Variants in USH2A observed in about 807,000 individuals in gnomAD.
USH2A encodes the protein Usher syndrome 2A (autosomal recessive, mild).
In USH2A, 443 loss-of-function variants were observed where a neutral mutation model predicts 538.9. The observed-to-expected ratio is 0.82, with a 90% CI of 0.76 to 0.89. USH2A has a LOEUF of 0.89. Ranked by LOEUF, USH2A falls within the 40% of genes least tolerant of loss-of-function variation. USH2A has a pLI of 0.00. For missense variants in USH2A, 6,633 were observed against 6,324.8 expected (o/e 1.05, Z -1.65); for synonymous variants, 2,413 against 2,273.5 (o/e 1.06, Z -1.75).
chr1:216,157,751 G>A (rs2033977938), intron 21 of USH2A, among the ~76,000 whole-genome samples: 2 of 152,144 alleles, frequency 1.3e-5, no homozygotes, highest in South Asian at 4.1e-4. Context: ...TTATATGTGA[G>A]AGCTAAACAT....
chr1:216,355,892 A>G (rs1042296947), intron 4 of USH2A, among the ~76,000 whole-genome samples: 2 of 152,162 alleles, frequency 1.3e-5, no homozygotes. Context: ...AATAAACTTA[A>G]TAACTAAATT....
intron 47 of USH2A, among the ~76,000 whole-genome samples, chr1:215,823,608 C>T (rs1317158677): frequency 1.3e-5 from 2 of 151,964 alleles, no homozygotes; most frequent in African/African-American, 4.8e-5. Flanking sequence ...TTCTGTTAAT[C>T]TTTCTTTTAA....
intron 14 of USH2A, among the ~76,000 whole-genome samples, chr1:216,221,279 G>T (rs570080094): frequency 6.6e-5 from 10 of 152,240 alleles, no homozygotes; most frequent in Non-Finnish European, 8.8e-5. Flanking sequence ...TTAAGAGCTG[G>T]TATCTGTTCA....
At position 215,892,350 on chromosome 1, in the gene USH2A, C is replaced by T. The variant is rs1665231178; in HGVS notation, c.7595-3296G>A. On this transcript the variant is annotated intron_variant, in intron 40 of 71. Coordinates refer to ENST00000307340, the MANE Select transcript of USH2A (RefSeq NM_206933.4). ...TTTTACCATTCTAATTAAAGCCTCG[C>T]TCAGTTTAAAAACTCTTTTTGGTAA... Among the ~76,000 whole-genome samples the T allele has an allele frequency of 2.0e-5, 3 of 152,128 alleles. No individual in the cohort carries two copies. The South Asian group carries it at 6.2e-4, about 31-fold the overall frequency.
At chr1:215,637,830 CA>C (rs933178921) in intron 69 of USH2A, among the ~76,000 whole-genome samples, 8 of 147,516 alleles carry the variant, frequency 5.4e-5, no homozygotes, top group East Asian at 3.9e-4. Context: ...GTTTATTTTT[CA>C]AAAAAAAACT....
intron 4 of USH2A, among the ~76,000 whole-genome samples, chr1:216,349,290 C>G (rs528481875): frequency 6.6e-6 from 1 of 152,142 alleles, no homozygotes; most frequent in East Asian, 1.9e-4. Context: ...CTTCATCCCT[C>G]TACAACTCTT....
Position 216,073,255 on chromosome 1 carries a change from A to G in USH2A, c.5618T>C (p.Val1873Ala), listed in dbSNP as rs1225512951. The G allele has an allele frequency of 1.2e-6, 2 of 1,613,742 alleles. No individual in the cohort carries two copies. The highest frequency in any genetic ancestry group is 1.7e-6 in the Non-Finnish European group (2 of 1,179,904). ...GCTGGACACAGATGCCAAGTTAACG[A>G]CAGCACCCCGTGTAAATTTAACATC... Reference protein sequence around the residue: ...MKDVKFTRGAVVNLASVSSGA... With the variant: ...MKDVKFTRGAAVNLASVSSGA... The change falls in exon 28 of 72, where the codon GTC becomes GCC. Residue 1873 changes from valine (V) to alanine (A), a missense_variant. Coordinates refer to ENST00000307340, the MANE Select transcript of USH2A (RefSeq NM_206933.4).
intron 61 of USH2A, among the ~76,000 whole-genome samples, chr1:215,719,858 A>G (rs1659601752): frequency 6.6e-6 from 1 of 152,162 alleles, no homozygotes; most frequent in Non-Finnish European, 1.5e-5. Context: ...CTTCAAGTGG[A>G]AGGATTTAAG....
intron 40 of USH2A, among the ~76,000 whole-genome samples, chr1:215,892,272 T>C (rs1377905132): frequency 1.3e-5 from 2 of 152,188 alleles, no homozygotes; most frequent in Non-Finnish European, 2.9e-5. Flanking sequence ...GAGTTACCCA[T>C]GACTGATCAG....
chr1:216,263,845 T>C (rs1351873257), intron 11 of USH2A, among the ~76,000 whole-genome samples: 2 of 152,096 alleles, frequency 1.3e-5, no homozygotes, highest in Non-Finnish European at 2.9e-5. Context: ...GGTTTACAGA[T>C]GACAGGATCT....
intron 14 of USH2A, 128 bp from the exon 15 acceptor site, chr1:216,217,678 G>C: frequency 1.9e-6 from 2 of 1,071,144 alleles, no homozygotes; most frequent in South Asian, 2.9e-5. Flanking sequence ...TGAAAAGAAT[G>C]CTTGAGCTAA....
chr1:215,936,961 A>C (rs1319911384), intron 37 of USH2A, among the ~76,000 whole-genome samples: 1 of 152,150 alleles, frequency 6.6e-6, no homozygotes, highest in African/African-American at 2.4e-5. Flanking sequence ...ACATACAAAA[A>C]GTTATTTAAA....
rs1340312779 is a variant in USH2A, at chr1:215,675,139, T to G, written c.12772A>C (p.Thr4258Pro). The G allele has an allele frequency of 6.2e-7, 1 of 1,614,086 alleles. No individual in the cohort carries two copies. The highest frequency in any genetic ancestry group is 2.2e-5 in the East Asian group (1 of 44,858). Residue 4258 changes from threonine to proline, a missense_variant, in exon 63 of 72, where the codon ACA becomes CCA. By Grantham distance (38) the Thr-to-Pro change is conservative (BLOSUM62 -1). Transcript: ENST00000307340. ...AGACCTTCTGGAGGTGCTTGCAATG[T>G]CCTCACCACATTCCAAGAGCTACAG... Reference protein sequence around the residue: ...HTCSSWNVVRTLQAPPEGLSP... With the variant: ...HTCSSWNVVRPLQAPPEGLSP...
chr1:216,265,438 G>GT (rs1490610184), intron 11 of USH2A, among the ~76,000 whole-genome samples: 1 of 151,764 alleles, frequency 6.6e-6, no homozygotes, highest in Non-Finnish European at 1.5e-5. Flanking sequence ...AAGTATGAAG[G>GT]TCACTTAAAA....
At position 216,289,310 on chromosome 1, in the gene USH2A, G is replaced by A; in HGVS notation, c.1941C>T (p.Gly647=). 6.2e-7 allele frequency: 1 copy of A among 1,613,868 alleles called. No individual in the cohort carries two copies. The highest frequency in any genetic ancestry group is 1.1e-5 in the South Asian group (1 of 91,082). The change falls in exon 11 of 72, where the codon GGC becomes GGT. Residue 647 remains glycine (G), a synonymous_variant. Transcript: ENST00000307340. Reference sequence around the variant, plus strand: ...CACAAAGAATGCTACCATTTCTAGTGCCAACTGTATCACAGTCACAGGGTT... The same window carrying A: ...CACAAAGAATGCTACCATTTCTAGTACCAACTGTATCACAGTCACAGGGTT... ...VCKPCDCDTV[G]TRNGSILCDQ...
chr1:216,112,449 G>T (rs1360153884), intron 21 of USH2A, among the ~76,000 whole-genome samples: 1 of 152,072 alleles, frequency 6.6e-6, no homozygotes, highest in Non-Finnish European at 1.5e-5. Context: ...ATAAAACAAA[G>T]AAATGTGTTT....
intron 21 of USH2A, among the ~76,000 whole-genome samples, chr1:216,098,101 C>A (rs1427233663): frequency 6.6e-6 from 1 of 151,236 alleles, no homozygotes; most frequent in African/African-American, 2.4e-5. Flanking sequence ...ATGAATGATG[C>A]CTTCCCCCTA....
At chr1:216,265,140 T>C (rs2036447117) in intron 11 of USH2A, among the ~76,000 whole-genome samples, 1 of 149,064 alleles carries the variant, frequency 6.7e-6, no homozygotes, top group African/African-American at 2.6e-5. Flanking sequence ...CTAGAATATA[T>C]AAGAAAATCA....
intron 64 of USH2A, among the ~76,000 whole-genome samples, chr1:215,665,103 G>T (rs1404850038): frequency 6.6e-6 from 1 of 152,178 alleles, no homozygotes; most frequent in Non-Finnish European, 1.5e-5. Context: ...TGCAGGGAAG[G>T]CCTCCACAGT....
Sources: gnomAD v4.1 joint callset for allele counts (sites outside exome capture counted in the v4.1 genomes callset) on GRCh38, gnomAD v4.1.1 for gene constraint, MANE v1.5 for transcripts, NCBI Gene and HGNC (gene_info 2026-07-23, HGNC 2026-07-21) for gene names.